VPS8: variants seen among roughly 807,000 people sequenced by gnomAD.
The protein encoded by VPS8 is VPS8 subunit of CORVET complex.
Under a neutral mutation model 216.4 loss-of-function variants are expected in VPS8, and 129 were observed. That is an observed-to-expected ratio of 0.60 (90% CI 0.52 to 0.69). VPS8 has a LOEUF of 0.69. VPS8 is among the 30% of genes least tolerant of loss of function. VPS8 has a pLI of 0.00. For synonymous variants in VPS8, 571 were observed against 565.4 expected, an observed-to-expected ratio of 1.01 and a Z score of -0.14; for missense variants, 1,531 against 1,683.5, an observed-to-expected ratio of 0.91 and a Z score of 1.59.
intron 42 of VPS8, among the ~76,000 whole-genome samples, chr3:184,990,327 C>G (rs951373641): frequency 1.8e-4 from 28 of 152,148 alleles, no homozygotes; most frequent in African/African-American, 6.0e-4. Flanking sequence ...CTTTTTGAGC[C>G]CTGCCTTCAT....
At chr3:185,049,491 G>A (rs188963189) in intron 47 of VPS8, among the ~76,000 whole-genome samples, 6 of 152,138 alleles carry the variant, frequency 3.9e-5, no homozygotes, top group Admixed American at 1.3e-4. Context: ...CCACTACCCC[G>A]GGTGGGGCCT....
chr3:184,869,192 A>T (rs1727901736), intron 19 of VPS8, among the ~76,000 whole-genome samples, 156 bp downstream of exon 19: 1 of 152,226 alleles, frequency 6.6e-6, no homozygotes, highest in Non-Finnish European at 1.5e-5. Context: ...AAGAAGGTTA[A>T]TGTGACAAAT....
intron 13 of VPS8, among the ~76,000 whole-genome samples, chr3:184,854,977 A>G (rs1724977158): frequency 6.6e-6 from 1 of 151,954 alleles, no homozygotes. Context: ...TGGTGAAGGA[A>G]CTCACTTTTG....
At chr3:185,039,893 C>T (rs982811066) in intron 46 of VPS8, among the ~76,000 whole-genome samples, 4 of 152,144 alleles carry the variant, frequency 2.6e-5, no homozygotes, top group African/African-American at 9.7e-5. Flanking sequence ...ATCTCACAAG[C>T]AGAGGAAGTT....
chr3:185,046,024 G>A (rs376100996), intron 46 of VPS8, among the ~76,000 whole-genome samples: 16 of 152,108 alleles, frequency 1.1e-4, no homozygotes, highest in Non-Finnish European at 2.2e-4. Flanking sequence ...TCTTCCTCTC[G>A]TATTCACTAC....
chr3:184,860,742 T>C (rs937447688), intron 15 of VPS8, among the ~76,000 whole-genome samples: 2 of 152,168 alleles, frequency 1.3e-5, no homozygotes, highest in African/African-American at 4.8e-5. Context: ...TTCAGCAGCT[T>C]GTGCAACCTC....
intron 45 of VPS8, among the ~76,000 whole-genome samples, chr3:185,020,707 G>A (rs1366398134): frequency 9.9e-5 from 15 of 152,126 alleles, no homozygotes; most frequent in Admixed American, 9.8e-4. Flanking sequence ...CTAGGCTCAA[G>A]CCAACCTCCT....
chr3:185,047,574 A>G (rs1434343120), intron 46 of VPS8, among the ~76,000 whole-genome samples: 1 of 152,200 alleles, frequency 6.6e-6, no homozygotes, highest in East Asian at 1.9e-4. Context: ...TACATAAACA[A>G]AAACACTTCT....
At chr3:184,962,724 AGTGTGTGTGTGTGTGTGTGT>A (rs10562348) in intron 37 of VPS8, among the ~76,000 whole-genome samples, 19 of 145,800 alleles carry the variant, frequency 1.3e-4, no homozygotes, top group Admixed American at 6.8e-5. Context: ...TTAAGGCTTA[AGTGTGTGTGTGTGTGTGTGT>A]GTGTGTGTGT....
chr3:184,999,143 C>T (rs564711033), intron 44 of VPS8, among the ~76,000 whole-genome samples: 28 of 152,200 alleles, frequency 1.8e-4, no homozygotes, highest in South Asian at 1.5e-3. Context: ...CTGCAACCTC[C>T]GCCTCCCGGG....
intron 42 of VPS8, among the ~76,000 whole-genome samples, chr3:184,990,199 A>G (rs997223222): frequency 6.6e-6 from 1 of 152,198 alleles, no homozygotes. Flanking sequence ...CAGTCCCTGT[A>G]TTTAATCCAC....
intron 34 of VPS8, among the ~76,000 whole-genome samples, chr3:184,932,209 G>A (rs574494927): frequency 1.3e-5 from 2 of 152,076 alleles, no homozygotes; most frequent in East Asian, 3.9e-4. Context: ...GAAGTTTTCT[G>A]ACAAGATACA....
Position 184,999,724 on chromosome 3 carries a change from C to T in VPS8, c.3865C>T (p.Leu1289=). ...SCGHLYHSFC[L]QNKECTVEFE... ...TGGCCATTTGTATCACTCATTCTGCCTACAAAACAAAGAATGCACTGTGGA... is the reference window on the plus strand; with the variant it reads ...TGGCCATTTGTATCACTCATTCTGCTTACAAAACAAAGAATGCACTGTGGA... The change falls in exon 45 of 48, where the codon CTA becomes TTA. Residue 1289 remains leucine, a synonymous_variant. Transcript: ENST00000625842. The T allele has an allele frequency of 6.2e-7, 1 of 1,612,554 alleles. No homozygotes were observed. Among genetic ancestry groups the T allele is most frequent in the Non-Finnish European group, 8.5e-7 (1 of 1,179,440 alleles).
intron 7 of VPS8, 129 bp from the exon 8 acceptor site, chr3:184,843,111 C>T (rs1433715808): frequency 1.6e-5 from 9 of 561,860 alleles, no homozygotes; most frequent in Non-Finnish European, 2.3e-5. Flanking sequence ...AATTTAGTAT[C>T]ATTCCCACAG....
rs770292817 is a variant in VPS8 at position 185,024,424 on chromosome 3, C to T, written c.4056+35C>T. The T allele has an allele frequency of 5.8e-5, 91 of 1,559,154 alleles. No homozygotes were observed. The Admixed American group carries it at 1.7e-3, about 29-fold the overall frequency. On this transcript the variant is annotated intron_variant, in intron 46 of 47. Transcript: ENST00000625842. Reference sequence around the variant, plus strand: ...TTTTAAAGGCAAAAAACCAGTTCTTCCTTCTGTATGTTTATTCTCCTATGT... The same window carrying T: ...TTTTAAAGGCAAAAAACCAGTTCTTTCTTCTGTATGTTTATTCTCCTATGT...
chr3:184,910,515 G>C lies in VPS8; in HGVS notation c.2147-3004G>C, dbSNP rs73885616. Among the ~76,000 whole-genome samples the C allele has an allele frequency of 6.8e-3, 1,042 of 152,274 alleles. 5 individuals are homozygous for C. The highest frequency in any genetic ancestry group is 0.023 in the African/African-American group (964 of 41,546). Reference sequence around the variant, plus strand: ...TCCTCACTCCAAAACCTTCAGAGAGGGAGCTCCATTCTTGATCCTGGTTTT... The same window carrying C: ...TCCTCACTCCAAAACCTTCAGAGAGCGAGCTCCATTCTTGATCCTGGTTTT... On this transcript the variant is annotated intron_variant, in intron 25 of 47. Transcript: ENST00000625842.
chr3:184,866,848 C>A, intron 16 of VPS8, 28 bp from the exon 17 acceptor site: 1 of 1,593,262 alleles, frequency 6.3e-7, no homozygotes, highest in Admixed American at 1.8e-5. Context: ...ATTTTTTTAC[C>A]TTTTTTGTAT....
rs185339259 is a variant in VPS8 at position 184,861,112 on chromosome 3, G to A, written c.1224+1047G>A. Among the ~76,000 whole-genome samples the A allele has an allele frequency of 1.5e-4, 23 of 152,210 alleles. No individual in the cohort carries two copies. In the East Asian group the frequency reaches 3.5e-3, roughly 23 times the overall value. ...GCTGGGATTACAGGCATGAGCCACC[G>A]CACCTGGCCAACTTCTTGGTTTAAA... On this transcript the variant is annotated intron_variant, in intron 15 of 47. Coordinates refer to ENST00000625842, the MANE Select transcript of VPS8 (RefSeq NM_001009921.3).
rs553176880 is a variant in VPS8 at position 184,915,933 on chromosome 3, AT to A, written c.2382+466del. Among the ~76,000 whole-genome samples the A allele has an allele frequency of 4.1e-3, 627 of 152,168 alleles. 2 individuals are homozygous for A. The highest frequency in any genetic ancestry group is 0.01 in the African/African-American group (424 of 41,522). ...AATGTTTAATTTTGTTGTGCTACCC[AT>A]TTTTTTCTCTAGTTCCTTGCCTTCC... On this transcript the variant is annotated intron_variant, in intron 28 of 47. Coordinates refer to ENST00000625842, the MANE Select transcript of VPS8 (RefSeq NM_001009921.3).
Sources: allele counts gnomAD v4.1 joint callset (sites outside exome capture counted in the v4.1 genomes callset), GRCh38; gene constraint gnomAD v4.1.1; transcripts MANE v1.5; gene names NCBI Gene and HGNC (gene_info 2026-07-23, HGNC 2026-07-21).